The following DTNBP1 variants were observed in gnomAD, a reference collection of about 807,000 sequenced individuals.
DTNBP1 encodes the protein dysbindin.
Under a neutral mutation model 42.8 loss-of-function variants are expected in DTNBP1, and 35 were observed. The ratio of observed to expected loss-of-function variants is 0.82; its 90% CI spans 0.63 to 1.09. DTNBP1 has a LOEUF of 1.09. Ranked by LOEUF, DTNBP1 falls within the 50% of genes least tolerant of loss-of-function variation. The pLI is 0.00. For synonymous variants in DTNBP1, 171 were observed against 162.2 expected (o/e 1.05, Z -0.41); for missense variants, 457 against 424.2 (o/e 1.08, Z -0.68).
At position 15,531,524 on chromosome 6, in the gene DTNBP1, C is replaced by T. The variant is rs529497967; in HGVS notation, c.667+1716G>A. ...GCATTGGAAGGTAAACAAGCATCAT[C>T]CACACAACTAACTGACTGCATTCAC... is the stretch of plus-strand genomic sequence containing the variant. On this transcript the variant is annotated intron_variant, in intron 8 of 9. Transcript: ENST00000344537. Among the ~76,000 whole-genome samples the T allele has an allele frequency of 2.4e-3, 366 of 152,358 alleles. 3 individuals are homozygous for T. The highest frequency in any genetic ancestry group is 8.3e-3 in the African/African-American group (347 of 41,580).
At chr6:15,608,653 G>A (rs932987290) in intron 6 of DTNBP1, among the ~76,000 whole-genome samples, 1 of 152,208 alleles carries the variant, frequency 6.6e-6, no homozygotes, top group Non-Finnish European at 1.5e-5. Context: ...GGAGCTTCCT[G>A]ACAAAGTGTC....
intron 8 of DTNBP1, among the ~76,000 whole-genome samples, chr6:15,532,770 G>A (rs1772948066): frequency 6.9e-6 from 1 of 144,744 alleles, no homozygotes; most frequent in Non-Finnish European, 1.5e-5. Context: ...TGCGATCTCG[G>A]CTCATGGCAA....
In DTNBP1 at chr6:15,617,140, T is replaced by C. The variant is rs539025322; in HGVS notation, c.356-1741A>G. Among the ~76,000 whole-genome samples, 9 of 152,218 alleles carry C rather than the reference T, an allele frequency of 5.9e-5. No individual in the cohort carries two copies. The South Asian group carries it at 1.3e-3, about 21-fold the overall frequency. Reference sequence around the variant, plus strand: ...ACTTCGGGAGGCTGAGGCAGGAGGATTGCTTGAGCCTAGGAGTTTCAGATC... The same window carrying C: ...ACTTCGGGAGGCTGAGGCAGGAGGACTGCTTGAGCCTAGGAGTTTCAGATC... On this transcript the variant is annotated intron_variant, in intron 5 of 9. Coordinates refer to ENST00000344537, the MANE Select transcript of DTNBP1 (RefSeq NM_032122.5).
chr6:15,554,778 C>T (rs1436102951), intron 7 of DTNBP1, among the ~76,000 whole-genome samples: 2 of 152,126 alleles, frequency 1.3e-5, no homozygotes, highest in Non-Finnish European at 2.9e-5. Flanking sequence ...TTAGCAAGAT[C>T]CAAGGGTGGA....
chr6:15,532,587 G>A lies in DTNBP1; in HGVS notation c.667+653C>T, dbSNP rs542965803. ...TCGACAGAGACTAGAAAGAACACACGAAAAGCAGTAACAGGGACTATTCTG... is the reference window on the plus strand; with the variant it reads ...TCGACAGAGACTAGAAAGAACACACAAAAAGCAGTAACAGGGACTATTCTG... On this transcript the variant is annotated intron_variant, in intron 8 of 9. Coordinates refer to ENST00000344537, the MANE Select transcript of DTNBP1 (RefSeq NM_032122.5). 1.1e-4 allele frequency among the ~76,000 whole-genome samples: 16 copies of A among 151,820 alleles called. No homozygotes were observed. In the East Asian group the frequency reaches 2.5e-3, roughly 24 times the overall value.
intron 7 of DTNBP1, among the ~76,000 whole-genome samples, chr6:15,537,096 G>C (rs968401426): frequency 3.9e-5 from 6 of 152,150 alleles, no homozygotes; most frequent in African/African-American, 1.4e-4. Context: ...CTAGACATTT[G>C]CCTTGTGTCA....
In DTNBP1 at chr6:15,656,304, AGAC is replaced by A. The variant is rs542404049; in HGVS notation, c.57-4167_57-4165del. Among the ~76,000 whole-genome samples the A allele has an allele frequency of 3.1e-3, 471 of 152,358 alleles. 4 individuals carry two copies. Among genetic ancestry groups the A allele is most frequent in the African/African-American group, 0.011 (452 of 41,586 alleles). On this transcript the variant is annotated intron_variant, in intron 1 of 9. Coordinates refer to ENST00000344537, the MANE Select transcript of DTNBP1 (RefSeq NM_032122.5). ...GTGCTGTGTGAGCATATTAATATAT[AGAC>A]TAAGTGAGCCATCTGACAACTATTT...
chr6:15,529,555 C>A (rs952643923), intron 8 of DTNBP1, among the ~76,000 whole-genome samples: 1 of 152,204 alleles, frequency 6.6e-6, no homozygotes, highest in African/African-American at 2.4e-5. Context: ...TGGGTCCACG[C>A]TGGAGCATCC....
chr6:15,588,668 T>C (rs909961800), intron 7 of DTNBP1, among the ~76,000 whole-genome samples: 1 of 152,230 alleles, frequency 6.6e-6, no homozygotes, highest in Non-Finnish European at 1.5e-5. Context: ...TCTGTCCAAC[T>C]TCATCCCTCA....
intron 7 of DTNBP1, among the ~76,000 whole-genome samples, chr6:15,566,011 G>A (rs919402436): frequency 1.3e-5 from 2 of 152,138 alleles, no homozygotes; most frequent in African/African-American, 4.8e-5. Context: ...AAGATCACAG[G>A]CTCTAAAGCC....
intron 3 of DTNBP1, among the ~76,000 whole-genome samples, chr6:15,646,167 AAAAT>A (rs779843612): frequency 1.3e-4 from 19 of 151,912 alleles, no homozygotes; most frequent in South Asian, 6.2e-4. Flanking sequence ...TAAAAATTAA[AAAAT>A]AAATAAAAAT....
intron 3 of DTNBP1, among the ~76,000 whole-genome samples, chr6:15,641,653 T>C (rs1562008570): frequency 6.6e-6 from 1 of 152,138 alleles, no homozygotes; most frequent in African/African-American, 2.4e-5. Context: ...GATACCATAC[T>C]TGTCGTGCGC....
intron 6 of DTNBP1, among the ~76,000 whole-genome samples, chr6:15,608,432 C>T (rs1758199699): frequency 6.6e-6 from 1 of 152,180 alleles, no homozygotes; most frequent in African/African-American, 2.4e-5. Context: ...ATTTTTTCCC[C>T]CTTGGAAACA....
At chr6:15,533,129 A>C in intron 8 of DTNBP1, 111 bp downstream of exon 8, 1 of 1,538,958 alleles carries the variant, frequency 6.5e-7, no homozygotes, top group East Asian at 2.4e-5. Context: ...GTCTCATAAC[A>C]GAACGGAACT....
At chr6:15,526,695 G>C (rs1198781617) in intron 8 of DTNBP1, among the ~76,000 whole-genome samples, 1 of 152,152 alleles carries the variant, frequency 6.6e-6, no homozygotes, top group Non-Finnish European at 1.5e-5. Context: ...TGTTCTTTTT[G>C]GGGGCACGCT....
At chr6:15,600,096 C>T (rs80190104) in intron 6 of DTNBP1, among the ~76,000 whole-genome samples, 401 of 152,034 alleles carry the variant, frequency 2.6e-3, no homozygotes, top group Admixed American at 5.8e-3. Flanking sequence ...CCTGATCAAG[C>T]GGCACCAGGC....
At chr6:15,533,980 T>G (rs777081125) in intron 7 of DTNBP1, among the ~76,000 whole-genome samples, 5 of 152,212 alleles carry the variant, frequency 3.3e-5, no homozygotes, top group Non-Finnish European at 7.3e-5. Flanking sequence ...AGGAGGGATA[T>G]TCTGACACAC....
intron 7 of DTNBP1, among the ~76,000 whole-genome samples, chr6:15,586,613 C>T (rs1776090349): frequency 6.6e-6 from 1 of 152,026 alleles, no homozygotes; most frequent in South Asian, 2.1e-4. Flanking sequence ...CTTTTGAAAG[C>T]ATTGTCTCTA....
intron 8 of DTNBP1, among the ~76,000 whole-genome samples, chr6:15,532,229 C>T (rs903396062): frequency 1.3e-5 from 2 of 152,208 alleles, no homozygotes; most frequent in South Asian, 4.1e-4. Context: ...ATGTAAGCTG[C>T]CCAGTGCCGC....
Sources: gnomAD v4.1 joint callset for allele counts (sites outside exome capture counted in the v4.1 genomes callset) on GRCh38, gnomAD v4.1.1 for gene constraint, MANE v1.5 for transcripts, NCBI Gene and HGNC (gene_info 2026-07-23, HGNC 2026-07-21) for gene names.